The following DST variants were observed in gnomAD, a reference collection of about 807,000 sequenced individuals.
DST encodes dystonin, also known as bullous pemphigoid antigen.
DST carries 253 observed loss-of-function variants against 875.2 expected under a neutral mutation model. The ratio of observed to expected loss-of-function variants is 0.29; its 90% CI spans 0.26 to 0.32. The LOEUF (loss-of-function observed/expected upper bound fraction) is 0.32, where lower values mean the gene tolerates loss of function less well. DST is among the 10% of genes least tolerant of loss of function. The pLI, the probability that DST is intolerant of heterozygous loss-of-function variation, is 1.00. For missense variants in DST, 8,287 were observed against 9,111.6 expected, an observed-to-expected ratio of 0.91 and a Z score of 3.68; for synonymous variants, 3,124 against 3,197.1, an observed-to-expected ratio of 0.98 and a Z score of 0.77.
intron 78 of DST, among the ~76,000 whole-genome samples, chr6:56,502,125 T>A (rs1264691264): frequency 1.3e-5 from 2 of 152,104 alleles, no homozygotes; most frequent in Non-Finnish European, 2.9e-5. Context: ...ACACATCTTG[T>A]ATCCCCTGAT....
In DST at chr6:56,601,674, A is replaced by G; in HGVS notation, c.11310T>C (p.Asn3770=). The G allele has an allele frequency of 1.3e-6, 2 of 1,553,946 alleles. No homozygotes were observed. The highest frequency in any genetic ancestry group is 1.7e-6 in the Non-Finnish European group (2 of 1,146,820). ...YVKKRLEFLK[N]VLKDLGHTKM... is the part of the protein sequence containing the mutation. The stretch of plus-strand genomic sequence containing the variant: ...TGGTATGTCCAAGGTCTTTTAATAC[A>G]TTCTGTTAAAAAAGTAGTACAAGCT... Residue 3770 remains asparagine, a splice_region_variant and synonymous_variant, in exon 44 of 104, where the codon AAT becomes AAC. Coordinates refer to ENST00000680361, the MANE Select transcript of DST (RefSeq NM_001374736.1).
At chr6:56,618,903 C>G in intron 36 of DST, 3 of 1,614,116 alleles carry the variant, frequency 1.9e-6, no homozygotes, top group Non-Finnish European at 2.5e-6. Context: ...TTATTTAACT[C>G]TTGCACCTGA....
At chr6:56,616,210 C>T in intron 36 of DST, 3 of 1,614,174 alleles carry the variant, frequency 1.9e-6, no homozygotes, top group Non-Finnish European at 2.5e-6. Flanking sequence ...CTTCCTGATA[C>T]TTTTTGACCA....
rs942290476 is a variant in DST, at chr6:56,526,582, A to G, written c.17923-15T>C. 2.5e-6 allele frequency: 4 copies of G among 1,610,790 alleles called. No homozygotes were observed. Among genetic ancestry groups the G allele is most frequent in the African/African-American group, 2.7e-5 (2 of 74,726 alleles). ...TTTTTCAGTTCCTGAAAACATACAA[A>G]TAAGTTAGTAACACTTAAGAGCTTC... On this transcript the variant is annotated splice_polypyrimidine_tract_variant and intron_variant, in intron 68 of 103. Coordinates refer to ENST00000680361, the MANE Select transcript of DST (RefSeq NM_001374736.1).
chr6:56,846,203 A>G (rs1405468427), intron 4 of DST, among the ~76,000 whole-genome samples: 1 of 152,240 alleles, frequency 6.6e-6, no homozygotes, highest in Non-Finnish European at 1.5e-5. Context: ...AAAGCATTTG[A>G]TGTGCCAAGG....
Position 56,602,921 on chromosome 6 carries a change from T to C in DST, c.11268A>G (p.Gln3756=). 3 of 1,575,404 alleles carry C rather than the reference T, an allele frequency of 1.9e-6. No individual in the cohort carries two copies. The highest frequency in any genetic ancestry group is 2.6e-6 in the Non-Finnish European group (3 of 1,168,092). The stretch of plus-strand genomic sequence containing the variant: ...AACGTTTCTTTACATACTCAGAATC[T>C]TGAACATTCACAATCTCAATATCCT... ...SVKDIEIVNV[Q]DSEYVKKRLE... The change falls in exon 43 of 104, where the codon CAA becomes CAG. Residue 3756 remains glutamine, a synonymous_variant. Transcript: ENST00000680361.
chr6:56,761,532 A>G (rs2099617142), intron 4 of DST, among the ~76,000 whole-genome samples: 1 of 152,206 alleles, frequency 6.6e-6, no homozygotes, highest in Non-Finnish European at 1.5e-5. Context: ...AACACCACAA[A>G]TGTTTTCAAA....
intron 9 of DST, among the ~76,000 whole-genome samples, chr6:56,694,970 T>C (rs2099255032): frequency 6.6e-6 from 1 of 151,610 alleles, no homozygotes; most frequent in Non-Finnish European, 1.5e-5. Context: ...CTAATAAAAA[T>C]AGAAAAATTA....
At chr6:56,516,137 G>C (rs575518827) in intron 71 of DST, among the ~76,000 whole-genome samples, 1,543 of 84,858 alleles carry the variant, frequency 0.018, 33 homozygotes, top group African/African-American at 0.11. Flanking sequence ...GAGAGGGAGA[G>C]AGAGAGAGAG....
intron 4 of DST, among the ~76,000 whole-genome samples, chr6:56,741,154 G>A (rs796126950): frequency 9.2e-5 from 14 of 152,238 alleles, no homozygotes; most frequent in African/African-American, 3.4e-4. Flanking sequence ...TAAGAAAGCT[G>A]ATTTAATCAA....
chr6:56,492,322 G>A lies in DST; in HGVS notation c.20662C>T (p.Leu6888=). ...QKQDVVLIKN[L]LISVQSRWEK... The stretch of plus-strand genomic sequence containing the variant: ...CATCGACTTTGTACACTGATAAGTA[G>A]ATTCTTGATTAGAACAACATCTTGT... Residue 6888 remains leucine, a synonymous_variant, in exon 85 of 104, where the codon CTA becomes TTA. Coordinates refer to ENST00000680361, the MANE Select transcript of DST (RefSeq NM_001374736.1). The A allele has an allele frequency of 6.2e-7, 1 of 1,613,796 alleles. No homozygotes were observed.
intron 4 of DST, among the ~76,000 whole-genome samples, chr6:56,743,563 A>G (rs558723273): frequency 2.6e-5 from 4 of 152,182 alleles, no homozygotes; most frequent in Non-Finnish European, 5.9e-5. Flanking sequence ...TTTCACTGAA[A>G]CCAGGATAAT....
intron 34 of DST, among the ~76,000 whole-genome samples, chr6:56,626,399 A>G (rs2098735519): frequency 6.6e-6 from 1 of 152,156 alleles, no homozygotes; most frequent in African/African-American, 2.4e-5. Flanking sequence ...ATATGTTTAG[A>G]TACACAAATA....
chr6:56,676,522 T>A (rs1247099066), intron 9 of DST, among the ~76,000 whole-genome samples: 1 of 152,162 alleles, frequency 6.6e-6, no homozygotes, highest in African/African-American at 2.4e-5. Context: ...TTACTGGGAT[T>A]ATTACTTGGA....
chr6:56,858,383 T>A (rs755787799), intron 3 of DST, among the ~76,000 whole-genome samples: 3 of 152,188 alleles, frequency 2.0e-5, no homozygotes, highest in Non-Finnish European at 4.4e-5. Context: ...TGTACACTGG[T>A]TAGTGTTACT....
chr6:56,767,999 C>G (rs755979039), intron 4 of DST, among the ~76,000 whole-genome samples: 1 of 151,990 alleles, frequency 6.6e-6, no homozygotes, highest in Non-Finnish European at 1.5e-5. Context: ...AAAGATGAAG[C>G]TAAAGAGGTA....
At chr6:56,795,742 G>C (rs571385630) in intron 4 of DST, among the ~76,000 whole-genome samples, 50 of 152,236 alleles carry the variant, frequency 3.3e-4, no homozygotes, top group African/African-American at 1.1e-3. Flanking sequence ...AAGAAAGAGT[G>C]GGGGAGGGAG....
chr6:56,846,529 C>G (rs1450929191), intron 4 of DST, among the ~76,000 whole-genome samples: 1 of 152,198 alleles, frequency 6.6e-6, no homozygotes, highest in South Asian at 2.1e-4. Flanking sequence ...TAGCTAACAA[C>G]AGCAGATCTG....
At chr6:56,694,052 T>C (rs1031795071) in intron 9 of DST, among the ~76,000 whole-genome samples, 28 of 149,310 alleles carry the variant, frequency 1.9e-4, no homozygotes, top group Non-Finnish European at 3.1e-4. Flanking sequence ...TATATATATA[T>C]ACATATATAT....
Sources: allele counts gnomAD v4.1 joint callset (sites outside exome capture counted in the v4.1 genomes callset), GRCh38; gene constraint gnomAD v4.1.1; transcripts MANE v1.5; gene names NCBI Gene and HGNC (gene_info 2026-07-23, HGNC 2026-07-21).